The following KANK1 variants were observed in gnomAD, a reference collection of about 807,000 sequenced individuals.
KANK1 encodes KN motif and ankyrin repeat domain-containing protein 1.
In KANK1, 109 loss-of-function variants were observed where a neutral mutation model predicts 106.2. The ratio of observed to expected loss-of-function variants is 1.03; its 90% CI spans 0.88 to 1.20. The LOEUF (loss-of-function observed/expected upper bound fraction) is 1.20, where lower values mean the gene tolerates loss of function less well. KANK1 is among the 50% of genes most tolerant of loss of function. The pLI is 0.00. For missense variants in KANK1, 2,399 were observed against 1,710.7 expected, an observed-to-expected ratio of 1.40 and a Z score of -7.10; for synonymous variants, 873 against 652.2, an observed-to-expected ratio of 1.34 and a Z score of -5.16.
chr9:640,942 C>T lies in KANK1; in HGVS notation c.-83-35948C>T, dbSNP rs189446283. 6.1e-3 allele frequency among the ~76,000 whole-genome samples: 923 copies of T among 150,836 alleles called. 2 individuals are homozygous for T. Among genetic ancestry groups the T allele is most frequent in the Non-Finnish European group, 0.011 (726 of 67,680 alleles). ...CGATCTCCTGACCTTGTTATCTGCC[C>T]GCCTCGGCCTCCCAAAGTCCAGGGA... On this transcript the variant is annotated intron_variant, in intron 1 of 11. Coordinates refer to ENST00000382297, the MANE Select transcript of KANK1 (RefSeq NM_015158.5).
intron 3 of KANK1, among the ~76,000 whole-genome samples, chr9:713,684 A>G (rs1357068239): frequency 6.6e-6 from 1 of 152,222 alleles, no homozygotes; most frequent in Non-Finnish European, 1.5e-5. Context: ...GCTGAGGACT[A>G]ACGCTGGAAG....
chr9:515,958 A>G (rs2059261689), intron 1 of KANK1, among the ~76,000 whole-genome samples: 1 of 151,666 alleles, frequency 6.6e-6, no homozygotes, highest in Non-Finnish European at 1.5e-5. Flanking sequence ...TATTCTGGGC[A>G]CCTATTTTAT....
intron 1 of KANK1, among the ~76,000 whole-genome samples, chr9:595,241 C>G (rs1488377464): frequency 6.6e-6 from 1 of 151,528 alleles, no homozygotes; most frequent in Admixed American, 6.6e-5. Context: ...TGGTGAGACC[C>G]TGTCTCTACT....
At chr9:745,125 C>G in intron 11 of KANK1, 48 bp from the exon 12 acceptor site, 1 of 1,606,124 alleles carries the variant, frequency 6.2e-7, no homozygotes, top group Non-Finnish European at 8.5e-7. Context: ...ACACATCTGC[C>G]TGAGGTCACT....
chr9:694,623 C>T (rs1820782999), intron 2 of KANK1, among the ~76,000 whole-genome samples: 1 of 152,194 alleles, frequency 6.6e-6, no homozygotes, highest in African/African-American at 2.4e-5. Flanking sequence ...CGCAAGGCCC[C>T]TGTTACCATC....
chr9:490,372 C>T (rs1468598677), intron 3 of KANK1, among the ~76,000 whole-genome samples: 2 of 152,108 alleles, frequency 1.3e-5, no homozygotes, highest in African/African-American at 4.8e-5. Flanking sequence ...AAGCCAGGCA[C>T]AGTGGTGCAC....
chr9:575,895 T>C (rs987773706), intron 1 of KANK1, among the ~76,000 whole-genome samples: 3 of 152,138 alleles, frequency 2.0e-5, no homozygotes, highest in African/African-American at 7.2e-5. Flanking sequence ...TAGTGGTGTA[T>C]GCCTATAATC....
At chr9:503,108 G>C (rs2058595048), upstream of KANK1, among the ~76,000 whole-genome samples, 1 of 150,794 alleles carries the variant, frequency 6.6e-6, no homozygotes, top group Non-Finnish European at 1.5e-5. Flanking sequence ...CAAAGTGTGA[G>C]GATTATAGGC....
At chr9:735,744 A>C (rs1459441906) in intron 7 of KANK1, 5 of 441,578 alleles carry the variant, frequency 1.1e-5, no homozygotes, top group East Asian at 7.1e-5. Flanking sequence ...CTATGATCCC[A>C]ACACTTCGGG....
intron 7 of KANK1, among the ~76,000 whole-genome samples, chr9:737,534 G>A (rs980342536): frequency 2.0e-5 from 3 of 152,212 alleles, no homozygotes; most frequent in Non-Finnish European, 2.9e-5. Context: ...ATGTGACCCA[G>A]GGTTGAGTTG....
intron 4 of KANK1, 142 bp downstream of exon 4, chr9:730,390 TTAAA>T (rs1831890894): frequency 1.1e-5 from 10 of 903,396 alleles, no homozygotes; most frequent in Non-Finnish European, 1.7e-5. Flanking sequence ...CAGAATATCT[TTAAA>T]TAAGGTTACC....
chr9:509,696 G>T (rs1030813837), intron 1 of KANK1, among the ~76,000 whole-genome samples: 3 of 152,158 alleles, frequency 2.0e-5, no homozygotes, highest in Non-Finnish European at 4.4e-5. Context: ...TCCCTCTTGG[G>T]TATTTCATAA....
At chr9:596,489 A>G (rs760822015) in intron 1 of KANK1, among the ~76,000 whole-genome samples, 5 of 151,680 alleles carry the variant, frequency 3.3e-5, no homozygotes, top group Admixed American at 3.3e-4. Context: ...GCAATGGATC[A>G]TTTTGCTGTC....
intron 1 of KANK1, among the ~76,000 whole-genome samples, chr9:613,689 A>T (rs1030358197): frequency 6.6e-6 from 1 of 152,138 alleles, no homozygotes; most frequent in Non-Finnish European, 1.5e-5. Context: ...TCCTCTTCTC[A>T]ATGTAAATTA....
At position 572,936 on chromosome 9, in the gene KANK1, C is replaced by G. The variant is rs143407892; in HGVS notation, c.-84+68182C>G. 2.5e-3 allele frequency among the ~76,000 whole-genome samples: 388 copies of G among 152,250 alleles called. 4 individuals are homozygous for G. The highest frequency in any genetic ancestry group is 4.6e-3 in the Non-Finnish European group (316 of 68,034). On this transcript the variant is annotated intron_variant, in intron 1 of 11. Transcript: ENST00000382297. ...GACTTGCCTTTTCATACTTTGCAGT[C>G]TCATTACTATTATCACAATGTATGT... is the stretch of plus-strand genomic sequence containing the variant.
intron 1 of KANK1, among the ~76,000 whole-genome samples, chr9:616,460 G>A (rs1831850265): frequency 6.6e-6 from 1 of 152,140 alleles, no homozygotes; most frequent in South Asian, 2.1e-4. Flanking sequence ...TCTCCAAGCT[G>A]TCATTTAAGC....
intron 2 of KANK1, among the ~76,000 whole-genome samples, chr9:689,740 C>T (rs11999989): frequency 0.49 from 74,096 of 151,788 alleles, 19,728 homozygotes; most frequent in Non-Finnish European, 0.61. Context: ...GGGGAGGGGT[C>T]GGTTAAAGCA....
Position 713,138 on chromosome 9 carries a change from C to G in KANK1, c.2372C>G (p.Thr791Arg). The G allele has an allele frequency of 6.3e-7, 1 of 1,597,420 alleles. No homozygotes were observed. Among genetic ancestry groups the G allele is most frequent in the South Asian group, 1.1e-5 (1 of 88,268 alleles). The change falls in exon 3 of 12, where the codon ACA becomes AGA. Residue 791 changes from threonine to arginine, a missense_variant. Thr to Arg is a moderately conservative substitution (Grantham distance 71). Transcript: ENST00000382297. ...CGPPQLTVGLTASRRSVGVGD... is the reference protein window; with the variant it reads ...CGPPQLTVGLRASRRSVGVGD... ...CCACCACAGTTGACTGTGGGGCTGACAGCCAGCAGAAGGAGCGTGGGGGTT... is the reference window on the plus strand; with the variant it reads ...CCACCACAGTTGACTGTGGGGCTGAGAGCCAGCAGAAGGAGCGTGGGGGTT...
At chr9:605,368 A>G (rs1828840828) in intron 1 of KANK1, among the ~76,000 whole-genome samples, 1 of 151,528 alleles carries the variant, frequency 6.6e-6, no homozygotes, top group Non-Finnish European at 1.5e-5. Flanking sequence ...ATAGTAAAGC[A>G]TTTGCTTAGC....
Sources: gnomAD v4.1 joint callset for allele counts (sites outside exome capture counted in the v4.1 genomes callset) on GRCh38, gnomAD v4.1.1 for gene constraint, MANE v1.5 for transcripts, NCBI Gene and HGNC (gene_info 2026-07-23, HGNC 2026-07-21) for gene names.